The following MTOR variants were observed in gnomAD, a reference collection of about 807,000 sequenced individuals.
The protein encoded by MTOR is mechanistic target of rapamycin kinase.
A neutral mutation model predicts 319.8 loss-of-function variants in MTOR; 70 were observed. The observed-to-expected ratio is 0.22, with a 90% confidence interval of 0.18 to 0.27. The LOEUF (loss-of-function observed/expected upper bound fraction) is 0.27. Ranked by LOEUF, MTOR falls within the 10% of genes least tolerant of loss-of-function variation. The probability of loss-of-function intolerance (pLI) is 1.00; values close to 1 mark genes in which losing one functional copy is unlikely to be tolerated. For synonymous variants in MTOR, 1,183 were observed against 1,211.4 expected, an observed-to-expected ratio of 0.98 and a Z score of 0.49; for missense variants, 1,890 against 3,274.4, an observed-to-expected ratio of 0.58 and a Z score of 10.32.
chr1:11,258,683 G>A, intron 2 of MTOR, 90 bp from the exon 3 acceptor site: 1 of 906,126 alleles, frequency 1.1e-6, no homozygotes, highest in Non-Finnish European at 1.7e-6. Context: ...TAGATCCTGA[G>A]AGGCAGGAGG....
At chr1:11,117,173 A>G (rs557055728) in intron 49 of MTOR, 87 bp from the exon 50 acceptor site, 2 of 1,110,152 alleles carry the variant, frequency 1.8e-6, no homozygotes, top group South Asian at 3.0e-5. Flanking sequence ...TTTGGTTTGT[A>G]CTTTTGAGAC....
intron 34 of MTOR, among the ~76,000 whole-genome samples, chr1:11,141,565 T>C (rs1222166346): frequency 6.6e-6 from 1 of 151,792 alleles, no homozygotes; most frequent in Non-Finnish European, 1.5e-5. Flanking sequence ...TACGGGGTTT[T>C]GCTATGTTGG....
rs1227112054 is a variant in MTOR at position 11,122,004 on chromosome 1, T to C, written c.6785A>G (p.Asn2262Ser). The change falls in exon 48 of 58, where the codon AAC (asparagine) becomes AGC (serine). Residue 2262 changes from asparagine (N) to serine (S), a missense_variant. Transcript: ENST00000361445. ...CCGCAACATGATGCGATGCTCGATGTTGAGAAGGATCTTCTTCTTCTCCCT... is the reference window on the plus strand; with the variant it reads ...CCGCAACATGATGCGATGCTCGATGCTGAGAAGGATCTTCTTCTTCTCCCT... ...DYREKKKILLNIEHRIMLRMA... is the reference protein window; with the variant it reads ...DYREKKKILLSIEHRIMLRMA... The C allele has an allele frequency of 6.2e-7, 1 of 1,614,078 alleles. No individual in the cohort carries two copies. Among genetic ancestry groups the C allele is most frequent in the Non-Finnish European group, 8.5e-7 (1 of 1,180,028 alleles).
chr1:11,148,013 A>T (rs1643993857), intron 31 of MTOR, among the ~76,000 whole-genome samples: 1 of 152,212 alleles, frequency 6.6e-6, no homozygotes, highest in Admixed American at 6.5e-5. Flanking sequence ...TGAAGGGCAG[A>T]TGGGGGTTCA....
chr1:11,125,997 C>T (rs1428848062), intron 46 of MTOR, among the ~76,000 whole-genome samples: 3 of 144,102 alleles, frequency 2.1e-5, no homozygotes, highest in African/African-American at 7.8e-5. Flanking sequence ...GCCAAGATTG[C>T]GCCATTATAC....
Position 11,255,994 on chromosome 1 carries a change from T to C in MTOR, c.703A>G (p.Arg235Gly). Reference protein sequence around the residue: ...PKEMQKPQWYRHTFEEAEKGF... With the variant: ...PKEMQKPQWYGHTFEEAEKGF... The stretch of plus-strand genomic sequence containing the variant: ...TGGGAATGGAGCCATCTCCTTACCC[T>C]GTACCACTGAGGCTTCTGCATCTCC... The change falls in exon 5 of 58, where the codon AGG becomes GGG. Residue 235 changes from arginine to glycine, a missense_variant and splice_region_variant. By Grantham distance (125) the Arg-to-Gly change is moderately radical. This residue lies in a region of MTOR where 418 missense variants were observed against 543.1 expected (regional missense o/e 0.77). Coordinates refer to ENST00000361445, the MANE Select transcript of MTOR (RefSeq NM_004958.4). 1.2e-6 allele frequency: 2 copies of C among 1,613,866 alleles called. No homozygotes were observed. Among genetic ancestry groups the C allele is most frequent in the Non-Finnish European group, 1.7e-6 (2 of 1,179,950 alleles).
In MTOR at chr1:11,212,492, A is replaced by T. The variant is rs1156876543; in HGVS notation, c.3399-18T>A. 1.9e-6 allele frequency: 3 copies of T among 1,608,346 alleles called. No homozygotes were observed. The East Asian group carries it at 6.7e-5, about 36-fold the overall frequency. The stretch of plus-strand genomic sequence containing the variant: ...GCGCTGCCCTACAACAATCACTAAC[A>T]TACAGTAACTGCTAACATACAATCT... On this transcript the variant is annotated intron_variant, in intron 22 of 57. Coordinates refer to ENST00000361445, the MANE Select transcript of MTOR (RefSeq NM_004958.4). The surrounding 1 kb of genome is among the most constrained non-coding windows in gnomAD (Gnocchi z 4.1).
chr1:11,199,135 G>T lies in MTOR; in HGVS notation c.4253+123C>A. 1 of 1,258,088 alleles carries T rather than the reference G, an allele frequency of 7.9e-7. No individual in the cohort carries two copies. The highest frequency in any genetic ancestry group is 1.1e-6 in the Non-Finnish European group (1 of 883,954). The allele number at this position is 1,258,088 out of a possible 1,614,324, so 77.9% of individuals were successfully genotyped here. A position where few individuals can be genotyped will look rare whatever the true frequency, so the allele number is the denominator to read the frequency against. On this transcript the variant is annotated intron_variant, in intron 28 of 57. Coordinates refer to ENST00000361445, the MANE Select transcript of MTOR (RefSeq NM_004958.4). This position sits in a 1 kb window ranked among gnomAD's most constrained non-coding sequence, Gnocchi z 4.5. Reference sequence around the variant, plus strand: ...ACATGTCATTTAAACATGCTGGCCAGACCCAGAGGCAGATTTCACAGAGCA... The same window carrying T: ...ACATGTCATTTAAACATGCTGGCCATACCCAGAGGCAGATTTCACAGAGCA...
intron 25 of MTOR, among the ~76,000 whole-genome samples, chr1:11,205,241 G>T (rs563678551): frequency 6.6e-6 from 1 of 152,156 alleles, no homozygotes; most frequent in Admixed American, 6.5e-5. Context: ...TCAAAACTCT[G>T]AACTCTCCAG....
At position 11,109,626 on chromosome 1, in the gene MTOR, G is replaced by C; in HGVS notation, c.7447+23C>G. The stretch of plus-strand genomic sequence containing the variant: ...TTCTTAATGAGCTAGTCACTGGTGC[G>C]GTTCCTCAGAGGCTGAACTTACTGA... On this transcript the variant is annotated intron_variant, in intron 55 of 57. Transcript: ENST00000361445. The surrounding 1 kb of genome is among the most constrained non-coding windows in gnomAD (Gnocchi z 4.0). 5 of 1,605,892 alleles carry C rather than the reference G, an allele frequency of 3.1e-6. No homozygotes were observed. The highest frequency in any genetic ancestry group is 4.3e-6 in the Non-Finnish European group (5 of 1,172,576).
rs1647009192 is a variant in MTOR, at chr1:11,231,357, C to G, written c.2592G>C (p.Leu864Phe). ...TCAGAAAATTCAGTAGCACCTCAAG[C>G]AAAGTAGGGTACTTCCTGTAGGGCT... ...VVEPYRKYPTLLEVLLNFLKT... is the reference protein window; with the variant it reads ...VVEPYRKYPTFLEVLLNFLKT... Residue 864 changes from leucine to phenylalanine, a missense_variant, in exon 17 of 58, where the codon TTG becomes TTC. Around this residue, in one of 15 missense-constraint regions of MTOR, gnomAD observed 377 missense variants for 653.9 expected, o/e 0.58. Coordinates refer to ENST00000361445, the MANE Select transcript of MTOR (RefSeq NM_004958.4). 6.2e-7 allele frequency: 1 copy of G among 1,614,038 alleles called. No individual in the cohort carries two copies. Among genetic ancestry groups the G allele is most frequent in the Admixed American group, 1.7e-5 (1 of 60,004 alleles).
chr1:11,207,602 T>C (rs1209248736), intron 25 of MTOR, among the ~76,000 whole-genome samples: 1 of 149,870 alleles, frequency 6.7e-6, no homozygotes, highest in East Asian at 1.9e-4. Context: ...AATTCCTTTT[T>C]TTTTTTTTTT....
chr1:11,147,047 G>A (rs1643953595), intron 31 of MTOR, among the ~76,000 whole-genome samples: 1 of 152,178 alleles, frequency 6.6e-6, no homozygotes, highest in African/African-American at 2.4e-5. Flanking sequence ...GACAGATGAG[G>A]GGAAGTGCAT....
chr1:11,167,660 A>G (rs966992709), intron 28 of MTOR, 143 bp from the exon 29 acceptor site: 1 of 649,906 alleles, frequency 1.5e-6, no homozygotes, highest in Non-Finnish European at 2.7e-6. Context: ...ATCTATTACC[A>G]TCCAGAAAGC....
At chr1:11,189,348 A>C (rs938745880) in intron 28 of MTOR, 1 of 505,136 alleles carries the variant, frequency 2.0e-6, no homozygotes, top group African/African-American at 1.9e-5. Flanking sequence ...TGACTTGTGG[A>C]GCATTCGGGC....
chr1:11,243,927 G>A (rs915398560), intron 8 of MTOR, among the ~76,000 whole-genome samples: 2 of 152,116 alleles, frequency 1.3e-5, no homozygotes, highest in African/African-American at 2.4e-5. Flanking sequence ...GGGAGGCTGA[G>A]GAACATCACT....
intron 32 of MTOR, 190 bp from the exon 33 acceptor site, chr1:11,145,235 G>A (rs1643893453): frequency 5.0e-6 from 3 of 594,088 alleles, no homozygotes; most frequent in African/African-American, 1.9e-5. Context: ...ATTTCTCATC[G>A]AAGACAGAAA....
chr1:11,259,281 C>T lies in MTOR; in HGVS notation c.129G>A (p.Glu43=), dbSNP rs2100986158. ...GTTCCATGGTGACATAGTGCTGGAG[C>T]TCCTTGGCGGCTTTGGCCCTGGTTT... ...NEETRAKAAK[E]LQHYVTMELR... Residue 43 remains glutamate, a synonymous_variant, in exon 2 of 58, where the codon GAG becomes GAA. Coordinates refer to ENST00000361445, the MANE Select transcript of MTOR (RefSeq NM_004958.4). The T allele has an allele frequency of 6.2e-7, 1 of 1,614,038 alleles. No homozygotes were observed. Among genetic ancestry groups the T allele is most frequent in the Non-Finnish European group, 8.5e-7 (1 of 1,179,960 alleles).
rs1253763852 is a variant in MTOR, at chr1:11,199,056, G to C, written c.4253+202C>G. On this transcript the variant is annotated intron_variant, in intron 28 of 57. Coordinates refer to ENST00000361445, the MANE Select transcript of MTOR (RefSeq NM_004958.4). This position sits in a 1 kb window ranked among gnomAD's most constrained non-coding sequence, Gnocchi z 4.5. ...AAACAACAGGAGCCCAGGTGATAAG[G>C]GTCAACAGAAATGACAATCATGGCT... Among the ~76,000 whole-genome samples the C allele has an allele frequency of 6.6e-6, 1 of 152,168 alleles. No homozygotes were observed. The highest frequency in any genetic ancestry group is 1.9e-4 in the East Asian group (1 of 5,194).
Sources: allele counts gnomAD v4.1 joint callset (sites outside exome capture counted in the v4.1 genomes callset), GRCh38; gene constraint gnomAD v4.1.1; regional missense constraint gnomAD v4.1.1; non-coding constraint Gnocchi (gnomAD v3.1); transcripts MANE v1.5; gene names NCBI Gene and HGNC (gene_info 2026-07-23, HGNC 2026-07-21).